Variants in DLG2 observed in about 807,000 individuals in gnomAD.
DLG2 encodes discs large MAGUK scaffold protein 2.
In DLG2, 45 loss-of-function variants were observed where a neutral mutation model predicts 132.5. The observed-to-expected ratio is 0.34, with a 90% CI of 0.27 to 0.44. DLG2 has a LOEUF of 0.44. Among genes scored for constraint, DLG2 ranks in the 20% least tolerant of loss-of-function variants. The pLI is 1.00. For missense variants in DLG2, 1,045 were observed against 1,196.9 expected (o/e 0.87, Z 1.87); for synonymous variants, 424 against 419.6 (o/e 1.01, Z -0.13).
At chr11:85,437,222 C>T (rs575128483) in intron 3 of DLG2, among the ~76,000 whole-genome samples, 14 of 151,360 alleles carry the variant, frequency 9.2e-5, no homozygotes, top group African/African-American at 3.2e-4. Context: ...ACCTAGGTGA[C>T]GGGTTGATAG....
chr11:84,744,970 CA>C (rs2065175887), intron 6 of DLG2, among the ~76,000 whole-genome samples: 1 of 148,082 alleles, frequency 6.8e-6, no homozygotes. Context: ...ATCTTTTAAC[CA>C]AACAGATATC....
At chr11:85,351,651 C>T (rs1394842346) in intron 3 of DLG2, among the ~76,000 whole-genome samples, 2 of 152,186 alleles carry the variant, frequency 1.3e-5, no homozygotes, top group Non-Finnish European at 2.9e-5. Flanking sequence ...GCCTTTTCTG[C>T]ATCTATTGAG....
At chr11:83,522,927 A>T (rs1018154275) in intron 21 of DLG2, among the ~76,000 whole-genome samples, 29 of 150,850 alleles carry the variant, frequency 1.9e-4, no homozygotes, top group South Asian at 6.3e-4. Flanking sequence ...ATTATTTTTT[A>T]AAAAAACCTT....
chr11:84,288,418 T>C (rs1484681293), intron 7 of DLG2, among the ~76,000 whole-genome samples: 1 of 152,092 alleles, frequency 6.6e-6, no homozygotes, highest in African/African-American at 2.4e-5. Flanking sequence ...TTCTATTTGA[T>C]ACTTTAGGCA....
rs2099719202 is a variant in DLG2, at chr11:84,678,171, C to CTAAGA, written c.358-143441_358-143440insTCTTA. Among the ~76,000 whole-genome samples, 2 of 152,188 alleles carry CTAAGA rather than the reference C, an allele frequency of 1.3e-5. 1 individual carries two copies. Among genetic ancestry groups the CTAAGA allele is most frequent in the East Asian group, 3.9e-4 (2 of 5,158 alleles). On this transcript the variant is annotated intron_variant, in intron 6 of 27. Transcript: ENST00000376104. ...AGATGGTGAGAGCTAACCTAGGCCT[C>CTAAGA]CATAGCTGCTTTTCTCTTCCTTTCT...
chr11:83,808,938 C>A (rs1345189190), intron 17 of DLG2, among the ~76,000 whole-genome samples: 1 of 152,070 alleles, frequency 6.6e-6, no homozygotes, highest in Non-Finnish European at 1.5e-5. Flanking sequence ...CCCTTCACTT[C>A]TTCCTTCCTT....
At chr11:85,209,692 G>A (rs1054236745) in intron 4 of DLG2, among the ~76,000 whole-genome samples, 6 of 148,358 alleles carry the variant, frequency 4.0e-5, no homozygotes, top group East Asian at 4.0e-4. Flanking sequence ...CACCCGCCTC[G>A]GCCTCCCAAA....
At chr11:83,833,551 T>C (rs751663630) in intron 17 of DLG2, 63 bp downstream of exon 17, 416 of 1,496,994 alleles carry the variant, frequency 2.8e-4, no homozygotes, top group Non-Finnish European at 3.7e-4. Flanking sequence ...TAATTGAAAG[T>C]TATGACTTTT....
intron 6 of DLG2, among the ~76,000 whole-genome samples, chr11:85,028,571 G>A (rs662691): frequency 2.0e-5 from 3 of 151,982 alleles, no homozygotes; most frequent in Admixed American, 6.6e-5. Flanking sequence ...CCAGAGGGGG[G>A]GCTGAGGGGG....
At chr11:83,750,514 A>C (rs547359669) in intron 18 of DLG2, among the ~76,000 whole-genome samples, 8 of 152,184 alleles carry the variant, frequency 5.3e-5, no homozygotes, top group African/African-American at 1.9e-4. Context: ...CATAGAAGCA[A>C]TAGAGAGAGG....
chr11:85,278,146 G>A lies in DLG2; in HGVS notation c.186+7074C>T, dbSNP rs541329882. Among the ~76,000 whole-genome samples the A allele has an allele frequency of 7.9e-5, 12 of 152,286 alleles. No homozygotes were observed. In the East Asian group the frequency reaches 1.5e-3, roughly 20 times the overall value. ...CCCACTTTCTCCTAAGAAAGGTGAT[G>A]GGATGTCAGACACATGTTTATTAAT... On this transcript the variant is annotated intron_variant, in intron 4 of 27. Transcript: ENST00000376104.
chr11:85,394,868 T>C (rs937950807), intron 3 of DLG2, among the ~76,000 whole-genome samples: 4 of 152,192 alleles, frequency 2.6e-5, no homozygotes, highest in African/African-American at 7.2e-5. Context: ...TGAACCTTGA[T>C]GTTACCACAC....
At chr11:84,885,251 G>C (rs578142297) in intron 6 of DLG2, among the ~76,000 whole-genome samples, 150 of 152,116 alleles carry the variant, frequency 9.9e-4, no homozygotes, top group African/African-American at 3.4e-3. Flanking sequence ...AAAATGTTTT[G>C]GTAACAATTT....
intron 15 of DLG2, among the ~76,000 whole-genome samples, chr11:83,901,133 A>G (rs2073306095): frequency 6.6e-6 from 1 of 152,176 alleles, no homozygotes; most frequent in Admixed American, 6.5e-5. Flanking sequence ...TATTTACCCA[A>G]TGCCTGTAGC....
intron 6 of DLG2, among the ~76,000 whole-genome samples, chr11:84,753,622 A>G (rs2066468312): frequency 1.3e-5 from 2 of 152,232 alleles, no homozygotes; most frequent in Non-Finnish European, 2.9e-5. Context: ...GCTATTGAAT[A>G]GTTATGTATT....
chr11:84,893,157 T>G (rs998200096), intron 6 of DLG2, among the ~76,000 whole-genome samples: 3 of 152,158 alleles, frequency 2.0e-5, no homozygotes, highest in African/African-American at 4.8e-5. Flanking sequence ...TCACATACTT[T>G]AGAAGGTCTC....
At chr11:84,255,881 CT>C (rs2097460722) in intron 7 of DLG2, among the ~76,000 whole-genome samples, 2 of 151,786 alleles carry the variant, frequency 1.3e-5, no homozygotes, top group African/African-American at 4.8e-5. Flanking sequence ...ACTATGAAGC[CT>C]TTTTTTGTGT....
At chr11:84,756,589 G>A (rs529206127) in intron 6 of DLG2, among the ~76,000 whole-genome samples, 3 of 152,290 alleles carry the variant, frequency 2.0e-5, no homozygotes, top group Admixed American at 6.5e-5. Context: ...AGGTTGTTAA[G>A]AGAATTAAAT....
At chr11:83,690,151 G>A (rs2080718261) in intron 18 of DLG2, among the ~76,000 whole-genome samples, 1 of 150,316 alleles carries the variant, frequency 6.7e-6, no homozygotes. Flanking sequence ...TAAAGGCTGT[G>A]ATGAAAAATT....
Sources: allele counts gnomAD v4.1 joint callset (sites outside exome capture counted in the v4.1 genomes callset), GRCh38; gene constraint gnomAD v4.1.1; transcripts MANE v1.5; gene names NCBI Gene and HGNC (gene_info 2026-07-23, HGNC 2026-07-21).